CAMTA1: variants seen among roughly 807,000 people sequenced by gnomAD.
CAMTA1 encodes calmodulin binding transcription activator 1, also known as calmodulin-binding transcription activator 1.
Under a neutral mutation model 170.9 loss-of-function variants are expected in CAMTA1, and 27 were observed. That is an observed-to-expected ratio of 0.16 (90% CI 0.12 to 0.22). The LOEUF is 0.22. Ranked by LOEUF, CAMTA1 falls within the 10% of genes least tolerant of loss-of-function variation. The pLI is 1.00. For synonymous variants in CAMTA1, 833 were observed against 891.5 expected (o/e 0.93, Z 1.17); for missense variants, 1,619 against 2,217.2 (o/e 0.73, Z 5.42).
In CAMTA1 at chr1:7,736,674, T is replaced by C. The variant is rs2096775045; in HGVS notation, c.3263+134T>C. The C allele has an allele frequency of 3.5e-6, 3 of 866,300 alleles. No individual in the cohort carries two copies. The African/African-American group carries it at 5.1e-5, about 15-fold the overall frequency. 53.7% of individuals were successfully genotyped at this position (866,300 alleles called of 1,614,324 possible). A position where few individuals can be genotyped will look rare whatever the true frequency, so the allele number is the denominator to read the frequency against. On this transcript the variant is annotated intron_variant, in intron 13 of 22. Coordinates refer to ENST00000303635, the MANE Select transcript of CAMTA1 (RefSeq NM_015215.4). This position sits in a 1 kb window ranked among gnomAD's most constrained non-coding sequence, Gnocchi z 4.5. ...AGCCGGCGAGCAAAGGGCTTTGTCC[T>C]TGGACAGTTTCCAAGGGAGTTTTAT... is the stretch of plus-strand genomic sequence containing the variant.
chr1:7,102,991 A>G (rs1642918652), intron 4 of CAMTA1, among the ~76,000 whole-genome samples: 1 of 152,152 alleles, frequency 6.6e-6, no homozygotes. Context: ...GGTGGTGACC[A>G]AGACAGATCA....
rs1183562222 is a variant in CAMTA1, at chr1:7,463,929, C to G, written c.439-3901C>G. ...GGCATTTACTTTGAGCTGAAGGGAG[C>G]TCTTGTTTGCTGTTGGTTTCCCCTG... On this transcript the variant is annotated intron_variant, in intron 5 of 22. Coordinates refer to ENST00000303635, the MANE Select transcript of CAMTA1 (RefSeq NM_015215.4). This position sits in a 1 kb window ranked among gnomAD's most constrained non-coding sequence, Gnocchi z 4.7. Among the ~76,000 whole-genome samples, 1 of 152,162 alleles carries G rather than the reference C, an allele frequency of 6.6e-6. No individual in the cohort carries two copies. The highest frequency in any genetic ancestry group is 1.5e-5 in the Non-Finnish European group (1 of 68,032).
intron 6 of CAMTA1, among the ~76,000 whole-genome samples, chr1:7,601,264 CGG>C (rs2095439813): frequency 1.3e-5 from 2 of 151,538 alleles, no homozygotes; most frequent in South Asian, 4.2e-4. Flanking sequence ...ACTTCTCAGA[CGG>C]GGCGGTTGCC....
At chr1:7,492,970 C>T (rs141036937) in intron 6 of CAMTA1, among the ~76,000 whole-genome samples, 108 of 149,394 alleles carry the variant, frequency 7.2e-4, no homozygotes, top group Middle Eastern at 3.7e-3. Flanking sequence ...CATACACATG[C>T]GCTCAAACAC....
At chr1:7,515,179 C>T (rs1422408718) in intron 6 of CAMTA1, among the ~76,000 whole-genome samples, 1 of 152,144 alleles carries the variant, frequency 6.6e-6, no homozygotes, top group African/African-American at 2.4e-5. Context: ...CACCTGGGAT[C>T]ATCAGGCTGG....
intron 5 of CAMTA1, among the ~76,000 whole-genome samples, chr1:7,459,213 C>T (rs997008098): frequency 3.9e-5 from 6 of 152,176 alleles, no homozygotes; most frequent in Admixed American, 2.0e-4. Context: ...TGTTCCTAGC[C>T]GGGTGACCTT....
intron 3 of CAMTA1, among the ~76,000 whole-genome samples, chr1:6,894,525 T>C (rs1675223305): frequency 6.6e-6 from 1 of 152,230 alleles, no homozygotes; most frequent in Non-Finnish European, 1.5e-5. Flanking sequence ...CCTAAATTGA[T>C]TACCTCTCAA....
intron 3 of CAMTA1, among the ~76,000 whole-genome samples, chr1:6,951,503 C>T (rs1039048816): frequency 9.8e-5 from 15 of 152,288 alleles, no homozygotes; most frequent in East Asian, 7.7e-4. Flanking sequence ...CAAATGTCTC[C>T]GTTTTCTCCT....
intron 19 of CAMTA1, among the ~76,000 whole-genome samples, chr1:7,749,508 G>T (rs1405970127): frequency 1.3e-5 from 2 of 151,724 alleles, no homozygotes; most frequent in African/African-American, 2.4e-5. Flanking sequence ...ATTACAACAG[G>T]TATTGATTCC....
chr1:7,189,064 A>G (rs1433403341), intron 4 of CAMTA1, among the ~76,000 whole-genome samples: 1 of 152,230 alleles, frequency 6.6e-6, no homozygotes, highest in African/African-American at 2.4e-5. Flanking sequence ...AACAGGTAAT[A>G]TACAAAGCTG....
chr1:7,501,444 T>C (rs2094004177), intron 6 of CAMTA1, among the ~76,000 whole-genome samples: 2 of 151,964 alleles, frequency 1.3e-5, no homozygotes, highest in Admixed American at 1.3e-4. Flanking sequence ...GCCAAAGACA[T>C]CTCATTAGGG....
intron 11 of CAMTA1, among the ~76,000 whole-genome samples, chr1:7,703,543 G>A (rs1353046280): frequency 1.3e-5 from 2 of 152,166 alleles, no homozygotes; most frequent in African/African-American, 4.8e-5. Context: ...GGGTGTACAG[G>A]CTTAAGGGCT....
chr1:7,701,352 C>T (rs754320284), intron 11 of CAMTA1, among the ~76,000 whole-genome samples: 3 of 152,200 alleles, frequency 2.0e-5, no homozygotes, highest in Non-Finnish European at 2.9e-5. Flanking sequence ...AGGATCCACC[C>T]CCTGGGTTCA....
chr1:7,566,365 C>G (rs570414047), intron 6 of CAMTA1, among the ~76,000 whole-genome samples: 8 of 152,244 alleles, frequency 5.3e-5, no homozygotes, highest in Non-Finnish European at 1.2e-4. Flanking sequence ...GGAGATAGGC[C>G]TAGTGTAAAT....
chr1:7,045,175 G>A (rs1033803130), intron 3 of CAMTA1, among the ~76,000 whole-genome samples: 2 of 151,936 alleles, frequency 1.3e-5, no homozygotes, highest in Non-Finnish European at 1.5e-5. Flanking sequence ...TCATCCCCAC[G>A]TTTTAGACGC....
intron 5 of CAMTA1, among the ~76,000 whole-genome samples, chr1:7,458,558 C>A (rs899188152): frequency 6.6e-6 from 1 of 152,186 alleles, no homozygotes; most frequent in Non-Finnish European, 1.5e-5. Flanking sequence ...TTTTGGGGAG[C>A]CTTCCCGCCC....
intron 6 of CAMTA1, among the ~76,000 whole-genome samples, chr1:7,546,183 C>T (rs2094690566): frequency 6.6e-6 from 1 of 152,114 alleles, no homozygotes; most frequent in Non-Finnish European, 1.5e-5. Context: ...GTCTCGATCT[C>T]CTGACCTCGT....
At chr1:7,324,503 T>A (rs888948366) in intron 5 of CAMTA1, among the ~76,000 whole-genome samples, 1 of 152,204 alleles carries the variant, frequency 6.6e-6, no homozygotes, top group African/African-American at 2.4e-5. Context: ...ACTTTCCATT[T>A]GTTGTGTTTT....
At chr1:7,628,743 C>T (rs1436200737) in intron 6 of CAMTA1, among the ~76,000 whole-genome samples, 3 of 152,360 alleles carry the variant, frequency 2.0e-5, no homozygotes, top group South Asian at 2.1e-4. Flanking sequence ...GTGGGGCGCA[C>T]GTGCTTGGAG....
Sources: gnomAD v4.1 joint callset for allele counts (sites outside exome capture counted in the v4.1 genomes callset) on GRCh38, gnomAD v4.1.1 for gene constraint, Gnocchi (gnomAD v3.1) non-coding constraint, MANE v1.5 for transcripts, NCBI Gene and HGNC (gene_info 2026-07-23, HGNC 2026-07-21) for gene names.